Variants in SHROOM2 observed in about 807,000 individuals in gnomAD.
The protein encoded by SHROOM2 is protein Shroom2.
SHROOM2 carries 33 observed loss-of-function variants against 75.9 expected under a neutral mutation model. That is an observed-to-expected ratio of 0.43 (90% CI 0.33 to 0.58). The LOEUF is 0.58. SHROOM2 is among the 20% of genes least tolerant of loss of function. The pLI is 0.04. For missense variants in SHROOM2, 1,434 were observed against 1,461.2 expected (o/e 0.98, Z 0.30); for synonymous variants, 655 against 663.6 (o/e 0.99, Z 0.20).
intron 1 of SHROOM2, among the ~76,000 whole-genome samples, chrX:9,789,955 T>C (rs1368182787): frequency 3.0e-5 from 2 of 67,090 alleles, no homozygotes; most frequent in Non-Finnish European, 6.0e-5. Context: ...ACTGCTGTGG[T>C]CTGGGACGCT....
chrX:9,858,785 A>T (rs5933771), intron 1 of SHROOM2, among the ~76,000 whole-genome samples: 1 of 110,253 alleles, frequency 9.1e-6, no homozygotes, highest in Non-Finnish European at 1.9e-5. Context: ...AGCCTGGGTG[A>T]CAAGAGCAAT....
At chrX:9,943,639 C>T (rs2084791479) in intron 8 of SHROOM2, among the ~76,000 whole-genome samples, 1 of 111,662 alleles carries the variant, frequency 9.0e-6, no homozygotes, top group African/African-American at 3.3e-5. Context: ...AGGTGCATCG[C>T]AGCATGAATG....
At position 9,949,016 on chromosome X, in the gene SHROOM2, A is replaced by G; in HGVS notation, c.*2079A>G. The G allele has an allele frequency of 5.8e-6, 1 of 171,289 alleles. No individual in the cohort carries two copies. The highest frequency in any genetic ancestry group is 1.1e-5 in the Non-Finnish European group (1 of 87,309). The allele number at this position is 171,289 out of a possible 1,213,427, so 14.1% of individuals were successfully genotyped here. A position where few individuals can be genotyped will look rare whatever the true frequency, so the allele number is the denominator to read the frequency against. On this transcript the variant is annotated 3_prime_UTR_variant, in exon 10 of 10. Coordinates refer to ENST00000380913, the MANE Select transcript of SHROOM2 (RefSeq NM_001649.4). ...AATAATCCAATTGGTGTCTGTACTC[A>G]GCCTTTTGATGTCTTTTTAGGACTT...
chrX:9,839,301 CT>C (rs898401996), intron 1 of SHROOM2, among the ~76,000 whole-genome samples: 4 of 111,507 alleles, frequency 3.6e-5, no homozygotes, highest in African/African-American at 1.3e-4. Flanking sequence ...CCATCACCCT[CT>C]GTGGTGTGGG....
At chrX:9,932,122 GT>G in intron 5 of SHROOM2, 52 bp from the exon 6 acceptor site, 1 of 1,051,741 alleles carries the variant, frequency 9.5e-7, no homozygotes, top group Non-Finnish European at 1.3e-6. Context: ...GTCCCTTGTG[GT>G]GGGAAGGTAT....
intron 1 of SHROOM2, among the ~76,000 whole-genome samples, chrX:9,823,443 A>G (rs982743381): frequency 1.8e-5 from 2 of 110,995 alleles, no homozygotes; most frequent in East Asian, 2.8e-4. Flanking sequence ...AGGTCTTGCT[A>G]TGTTGCCCAG....
chrX:9,816,097 A>G lies in SHROOM2; in HGVS notation c.165+29387A>G, dbSNP rs777402994. Among the ~76,000 whole-genome samples, 27 of 112,553 alleles carry G rather than the reference A, an allele frequency of 2.4e-4. No homozygotes were observed. The South Asian group carries it at 9.9e-3, about 41-fold the overall frequency. On this transcript the variant is annotated intron_variant, in intron 1 of 9. Coordinates refer to ENST00000380913, the MANE Select transcript of SHROOM2 (RefSeq NM_001649.4). ...CAGTATAATGTTTGGAGATTCATCC[A>G]TGTTGTAGTGTGTATCAGTCATTCC...
chrX:9,841,375 A>C (rs912967527), intron 1 of SHROOM2, among the ~76,000 whole-genome samples: 1 of 112,072 alleles, frequency 8.9e-6, no homozygotes, highest in African/African-American at 3.2e-5. Flanking sequence ...GTTCTTGTAC[A>C]TGCTTTTGAA....
chrX:9,792,332 A>G (rs1483081183), intron 1 of SHROOM2, among the ~76,000 whole-genome samples: 1 of 110,788 alleles, frequency 9.0e-6, no homozygotes, highest in African/African-American at 3.3e-5. Flanking sequence ...ATACTATATC[A>G]TTAAAAAGAA....
chrX:9,931,393 A>G (rs930407720), intron 5 of SHROOM2, among the ~76,000 whole-genome samples: 1 of 111,442 alleles, frequency 9.0e-6, no homozygotes, highest in Non-Finnish European at 1.9e-5. Context: ...GCATGCCTGT[A>G]GATCTAGCTA....
At chrX:9,825,865 G>A (rs1194793640) in intron 1 of SHROOM2, among the ~76,000 whole-genome samples, 1 of 112,079 alleles carries the variant, frequency 8.9e-6, no homozygotes, top group Non-Finnish European at 1.9e-5. Flanking sequence ...CTAGAGGGGA[G>A]TCCTGGGTAT....
intron 1 of SHROOM2, among the ~76,000 whole-genome samples, chrX:9,861,176 T>C (rs1030599129): frequency 1.2e-4 from 13 of 112,079 alleles, no homozygotes; most frequent in Admixed American, 8.5e-4. Flanking sequence ...GTTGATGCTG[T>C]TGTTGTTAGA....
At position 9,864,291 on chromosome X, in the gene SHROOM2, C is replaced by T. The variant is rs769600057; in HGVS notation, c.166-9361C>T. 5.1e-4 allele frequency among the ~76,000 whole-genome samples: 57 copies of T among 111,057 alleles called. 1 individual carries two copies. Among genetic ancestry groups the T allele is most frequent in the Non-Finnish European group, 8.9e-4 (47 of 52,989 alleles). ...ACATTAACAGAGAGATTAGGAAAAC[C>T]GACTGCCACGACCAGAAGACTTTCA... On this transcript the variant is annotated intron_variant, in intron 1 of 9. Transcript: ENST00000380913.
intron 1 of SHROOM2, among the ~76,000 whole-genome samples, chrX:9,871,783 A>AC (rs757806024): frequency 9.1e-6 from 1 of 110,383 alleles, no homozygotes. Flanking sequence ...GCTTCTCCTG[A>AC]CCCCCCACCC....
rs372373323 is a variant in SHROOM2 at position 9,894,670 on chromosome X, C to T, written c.762C>T (p.Ala254=). 215 of 1,209,224 alleles carry T rather than the reference C, an allele frequency of 1.8e-4. No homozygotes were observed. Among genetic ancestry groups the T allele is most frequent in the Non-Finnish European group, 2.2e-4 (193 of 894,526 alleles). The change falls in exon 4 of 10, where the codon GCC becomes GCT. Residue 254 remains alanine (A), a synonymous_variant. Transcript: ENST00000380913. ...APRQGGRQAQ[A]AGDPQGSEEK... ...GGCAGGGTGGCCGGCAGGCCCAGGC[C>T]GCAGGCGACCCTCAGGGCTCGGAGG...
intron 1 of SHROOM2, among the ~76,000 whole-genome samples, chrX:9,821,763 G>T (rs1441842564): frequency 8.9e-6 from 1 of 111,928 alleles, no homozygotes; most frequent in Non-Finnish European, 1.9e-5. Flanking sequence ...CAGCAAAATG[G>T]TGGTTACCGG....
chrX:9,870,150 C>T (rs1229721497), intron 1 of SHROOM2, among the ~76,000 whole-genome samples: 1 of 111,480 alleles, frequency 9.0e-6, no homozygotes, highest in Non-Finnish European at 1.9e-5. Flanking sequence ...TGCTTGAGAC[C>T]GGGAGGTGCA....
intron 1 of SHROOM2, among the ~76,000 whole-genome samples, chrX:9,860,687 G>T (rs2084098931): frequency 8.9e-6 from 1 of 112,080 alleles, no homozygotes; most frequent in Admixed American, 9.5e-5. Context: ...GCCTCCCAAA[G>T]TGCTGGGATT....
chrX:9,915,428 T>C lies in SHROOM2; in HGVS notation c.2892-16747T>C, dbSNP rs1273408855. Among the ~76,000 whole-genome samples, 4 of 112,231 alleles carry C rather than the reference T, an allele frequency of 3.6e-5. No homozygotes were observed. In the East Asian group the frequency reaches 1.1e-3, roughly 31 times the overall value. On this transcript the variant is annotated intron_variant, in intron 5 of 9. Transcript: ENST00000380913. Reference sequence around the variant, plus strand: ...AATCAGCTCTGTCAGCAAACTCAATTTTCTGTCAACAGGGCTTTGTTGATG... The same window carrying C: ...AATCAGCTCTGTCAGCAAACTCAATCTTCTGTCAACAGGGCTTTGTTGATG...
Sources: gnomAD v4.1 joint callset for allele counts (sites outside exome capture counted in the v4.1 genomes callset) on GRCh38, gnomAD v4.1.1 for gene constraint, MANE v1.5 for transcripts, NCBI Gene and HGNC (gene_info 2026-07-23, HGNC 2026-07-21) for gene names.